Variants in SHQ1 observed in about 807,000 individuals in gnomAD.
SHQ1 encodes SHQ1, H/ACA ribonucleoprotein assembly factor, also known as protein SHQ1 homolog.
In SHQ1, 49 loss-of-function variants were observed where a neutral mutation model predicts 53.8. That is an observed-to-expected ratio of 0.91 (90% confidence interval 0.72 to 1.16). The LOEUF (loss-of-function observed/expected upper bound fraction) is 1.16, where lower values mean the gene tolerates loss of function less well. Among genes scored for constraint, SHQ1 ranks in the 50% most tolerant of loss-of-function variants. SHQ1 has a pLI of 0.00. For missense variants in SHQ1, 738 were observed against 683.1 expected (o/e 1.08, Z -0.90); for synonymous variants, 243 against 251.0 (o/e 0.97, Z 0.30).
chr3:72,833,444 T>TGATA (rs56202141), intron 4 of SHQ1, among the ~76,000 whole-genome samples: 26 of 140,476 alleles, frequency 1.9e-4, no homozygotes, highest in Non-Finnish European at 2.8e-4. Context: ...CTATCAGAGA[T>TGATA]GATAGATAGA....
chr3:72,751,548 A>C, intron 10 of SHQ1, among the ~76,000 whole-genome samples: 1 of 147,934 alleles, frequency 6.8e-6, no homozygotes, highest in African/African-American at 2.5e-5. Flanking sequence ...ATACACTAAT[A>C]AAGCCTAACT....
At chr3:72,831,461 ACTC>A (rs1559695008) in intron 5 of SHQ1, among the ~76,000 whole-genome samples, 1 of 152,010 alleles carries the variant, frequency 6.6e-6, no homozygotes. Context: ...AGTCCCTTAA[ACTC>A]CTCTCCTCAT....
intron 1 of SHQ1, among the ~76,000 whole-genome samples, chr3:72,845,112 TA>T (rs11294621): frequency 0.4 from 59,781 of 151,288 alleles, 12,307 homozygotes; most frequent in East Asian, 0.66. Flanking sequence ...ATTACTACTT[TA>T]AAAAAAAAGC....
intron 1 of SHQ1, among the ~76,000 whole-genome samples, chr3:72,847,140 C>A (rs1342671843): frequency 6.6e-6 from 1 of 152,120 alleles, no homozygotes; most frequent in Non-Finnish European, 1.5e-5. Flanking sequence ...AACACTGAAA[C>A]TCAATAAATA....
downstream of SHQ1, among the ~76,000 whole-genome samples, chr3:72,745,855 T>TC (rs550899465): frequency 4.7e-3 from 691 of 148,550 alleles, 8 homozygotes; most frequent in African/African-American, 0.016. Flanking sequence ...TTTTTTTTTT[T>TC]CCTTTGAGAC....
At chr3:72,840,747 C>A (rs1708155785) in intron 4 of SHQ1, among the ~76,000 whole-genome samples, 1 of 151,954 alleles carries the variant, frequency 6.6e-6, no homozygotes, top group Admixed American at 6.6e-5. Context: ...TAAAGCTTTG[C>A]AGGAAGTATG....
intron 8 of SHQ1, 119 bp from the exon 9 acceptor site, chr3:72,812,913 C>T (rs1707171895): frequency 2.0e-6 from 2 of 1,021,056 alleles, no homozygotes. Context: ...ATTGTGAAGC[C>T]AAGTAGAAGA....
chr3:72,829,541 G>A (rs992715955), intron 5 of SHQ1, among the ~76,000 whole-genome samples: 1 of 152,170 alleles, frequency 6.6e-6, no homozygotes, highest in Non-Finnish European at 1.5e-5. Context: ...ACATAAAATT[G>A]TATTCTAATG....
chr3:72,765,132 T>A (rs777336084), intron 10 of SHQ1, among the ~76,000 whole-genome samples: 2 of 152,146 alleles, frequency 1.3e-5, no homozygotes, highest in Non-Finnish European at 2.9e-5. Context: ...GTCAGACTGG[T>A]CCTGAGGCCC....
At chr3:72,771,401 G>A (rs1288341346) in intron 10 of SHQ1, among the ~76,000 whole-genome samples, 2 of 152,174 alleles carry the variant, frequency 1.3e-5, no homozygotes, top group African/African-American at 4.8e-5. Context: ...AAACTAAACA[G>A]GGACAAATGC....
chr3:72,800,088 T>C (rs1451052994), intron 9 of SHQ1, among the ~76,000 whole-genome samples: 3 of 152,178 alleles, frequency 2.0e-5, no homozygotes, highest in Non-Finnish European at 2.9e-5. Flanking sequence ...ATTTAGGTCA[T>C]GAGGGCTCTA....
chr3:72,770,102 C>T (rs1261273167), intron 10 of SHQ1, among the ~76,000 whole-genome samples: 1 of 152,210 alleles, frequency 6.6e-6, no homozygotes, highest in Non-Finnish European at 1.5e-5. Flanking sequence ...TTGCCTGATT[C>T]AGCCAATGCT....
intron 10 of SHQ1, among the ~76,000 whole-genome samples, chr3:72,751,660 T>A (rs575214211): frequency 6.6e-6 from 1 of 151,742 alleles, no homozygotes; most frequent in East Asian, 1.9e-4. Context: ...TAAGTAACTC[T>A]TAAATATATT....
chr3:72,846,270 T>C (rs956588250), intron 1 of SHQ1: 1 of 1,535,494 alleles, frequency 6.5e-7, no homozygotes, highest in Non-Finnish European at 8.7e-7. Flanking sequence ...CAGGTTTTAT[T>C]CATCCTTGGT....
chr3:72,843,680 T>C (rs568973047), intron 2 of SHQ1, among the ~76,000 whole-genome samples: 1 of 152,334 alleles, frequency 6.6e-6, no homozygotes, highest in East Asian at 1.9e-4. Flanking sequence ...AGGAAGGCAG[T>C]TTCACTATAC....
In SHQ1 at chr3:72,799,553, C is replaced by T. The variant is rs181176817; in HGVS notation, c.1061-6517G>A. 1.7e-3 allele frequency among the ~76,000 whole-genome samples: 262 copies of T among 152,182 alleles called. 1 individual carries two copies. Among genetic ancestry groups the T allele is most frequent in the Non-Finnish European group, 2.6e-3 (177 of 68,010 alleles). ...AAATCCCTAGCAATTAACACAAACACGCACATTAAATTTAGCATTAAGAAG... is the reference window on the plus strand; with the variant it reads ...AAATCCCTAGCAATTAACACAAACATGCACATTAAATTTAGCATTAAGAAG... On this transcript the variant is annotated intron_variant, in intron 9 of 10. Transcript: ENST00000325599.
the SHQ1 span, among the ~76,000 whole-genome samples, chr3:72,730,671 C>T: frequency 2.6e-5 from 4 of 152,212 alleles, no homozygotes; most frequent in African/African-American, 7.2e-5. Flanking sequence ...ACAAATAATG[C>T]CTATTATTTC....
chr3:72,804,642 G>A (rs1167672283), intron 9 of SHQ1, among the ~76,000 whole-genome samples: 7 of 152,162 alleles, frequency 4.6e-5, no homozygotes, highest in African/African-American at 1.7e-4. Context: ...ATTCATGTCT[G>A]CTGAATAAAT....
At chr3:72,825,851 T>C (rs1019406063) in intron 5 of SHQ1, among the ~76,000 whole-genome samples, 5 of 152,218 alleles carry the variant, frequency 3.3e-5, no homozygotes, top group Non-Finnish European at 5.9e-5. Flanking sequence ...TCAACTGAGA[T>C]ACTGAAATCA....
Sources: allele counts gnomAD v4.1 joint callset (sites outside exome capture counted in the v4.1 genomes callset), GRCh38; gene constraint gnomAD v4.1.1; transcripts MANE v1.5; gene names NCBI Gene and HGNC (gene_info 2026-07-23, HGNC 2026-07-21).